The following DPH6 variants were observed in gnomAD, a reference collection of about 807,000 sequenced individuals.
DPH6 encodes diphthine--ammonia ligase.
Under a neutral mutation model 38.2 loss-of-function variants are expected in DPH6, and 33 were observed. The ratio of observed to expected loss-of-function variants is 0.86; its 90% CI spans 0.65 to 1.15. The LOEUF (loss-of-function observed/expected upper bound fraction) is 1.15, where lower values mean the gene tolerates loss of function less well. Among genes scored for constraint, DPH6 ranks in the 50% most tolerant of loss-of-function variants. DPH6 has a pLI of 0.00. For synonymous variants in DPH6, 108 were observed against 103.0 expected (o/e 1.05, Z -0.30); for missense variants, 325 against 320.0 (o/e 1.02, Z -0.12).
At chr15:35,315,652 T>C (rs957563622) in intron 3 of DPH6, among the ~76,000 whole-genome samples, 1 of 152,072 alleles carries the variant, frequency 6.6e-6, no homozygotes, top group Non-Finnish European at 1.5e-5. Context: ...AAACTAAAAA[T>C]AGAACTACCA....
intron 3 of DPH6, among the ~76,000 whole-genome samples, chr15:35,338,503 A>T (rs529905037): frequency 3.5e-4 from 54 of 152,354 alleles, no homozygotes; most frequent in African/African-American, 1.3e-3. Context: ...CACCAGTTAG[A>T]ATGGCAATCA....
intron 3 of DPH6, among the ~76,000 whole-genome samples, chr15:35,341,407 C>T (rs1477170079): frequency 6.6e-6 from 1 of 152,192 alleles, no homozygotes; most frequent in African/African-American, 2.4e-5. Context: ...GTTCTGTGCC[C>T]TTGCTGGAGT....
chr15:35,186,227 A>T, the DPH6 span, among the ~76,000 whole-genome samples: 1 of 152,154 alleles, frequency 6.6e-6, no homozygotes, highest in East Asian at 1.9e-4. Context: ...AGCCTGTAGC[A>T]ACTCCTTTAT....
chr15:35,188,104 G>A, the DPH6 span, among the ~76,000 whole-genome samples: 1 of 152,196 alleles, frequency 6.6e-6, no homozygotes, highest in Non-Finnish European at 1.5e-5. Flanking sequence ...TGATGGTCAG[G>A]CAGCTGTTAA....
At chr15:35,339,089 G>A (rs1000907063) in intron 3 of DPH6, among the ~76,000 whole-genome samples, 7 of 151,752 alleles carry the variant, frequency 4.6e-5, no homozygotes, top group African/African-American at 1.5e-4. Flanking sequence ...TGTAAATGAC[G>A]AGTTAATGGG....
At chr15:35,266,233 C>T (rs1032560039) in intron 3 of DPH6, among the ~76,000 whole-genome samples, 45 of 151,986 alleles carry the variant, frequency 3.0e-4, no homozygotes, top group African/African-American at 1.1e-3. Flanking sequence ...TACTGTGAAC[C>T]ATGACATTCC....
At chr15:35,543,696 A>G (rs2055299929) in intron 1 of DPH6, among the ~76,000 whole-genome samples, 2 of 151,832 alleles carry the variant, frequency 1.3e-5, no homozygotes. Context: ...ATCAATAACA[A>G]CTCTCATTCC....
intron 3 of DPH6, among the ~76,000 whole-genome samples, chr15:35,530,562 C>T (rs1209772928): frequency 6.6e-6 from 1 of 152,054 alleles, no homozygotes; most frequent in African/African-American, 2.4e-5. Context: ...AAAGGGTATA[C>T]ATGTGCATGT....
At chr15:35,365,824 G>C in intron 3 of DPH6, 1 of 985,212 alleles carries the variant, frequency 1.0e-6, no homozygotes, top group Non-Finnish European at 1.2e-6. Flanking sequence ...ATCTGCTCCA[G>C]TGACCATTTA....
intron 3 of DPH6, among the ~76,000 whole-genome samples, chr15:35,511,360 T>C (rs1714755610): frequency 6.6e-6 from 1 of 152,170 alleles, no homozygotes; most frequent in Admixed American, 6.5e-5. Context: ...TCTAGATCTC[T>C]GTCTGCAATC....
intron 8 of DPH6, 49 bp from the exon 9 acceptor site, chr15:35,372,252 C>T (rs772801530): frequency 1.5e-6 from 2 of 1,373,106 alleles, no homozygotes; most frequent in Non-Finnish European, 1.9e-6. Context: ...CATATTTATT[C>T]AGTGTCAGTG....
At chr15:35,414,227 T>C (rs1182478528) in intron 5 of DPH6, among the ~76,000 whole-genome samples, 1 of 151,810 alleles carries the variant, frequency 6.6e-6, no homozygotes, top group African/African-American at 2.4e-5. Flanking sequence ...GTGAGTGGTA[T>C]ACTCTCCCAG....
downstream of DPH6, among the ~76,000 whole-genome samples, chr15:35,328,825 T>C (rs1436525136): frequency 6.6e-6 from 1 of 152,016 alleles, no homozygotes; most frequent in African/African-American, 2.4e-5. Context: ...AAGAAAGAGG[T>C]TTAATTGGAC....
At chr15:35,221,603 T>G (rs916587699) in intron 3 of DPH6, among the ~76,000 whole-genome samples, 4 of 152,284 alleles carry the variant, frequency 2.6e-5, no homozygotes, top group Admixed American at 2.6e-4. Context: ...AGGTCCTAGA[T>G]GGGAAAGACA....
intron 3 of DPH6, among the ~76,000 whole-genome samples, chr15:35,292,693 T>C (rs2051987912): frequency 6.6e-6 from 1 of 152,156 alleles, no homozygotes; most frequent in African/African-American, 2.4e-5. Flanking sequence ...TATTTATTCA[T>C]TTGAACAACA....
At chr15:35,268,765 A>C (rs1445563112) in intron 3 of DPH6, among the ~76,000 whole-genome samples, 3 of 151,954 alleles carry the variant, frequency 2.0e-5, no homozygotes, top group African/African-American at 7.2e-5. Flanking sequence ...AAAAAGGTAT[A>C]AAAAGAACAA....
chr15:35,521,213 C>G, intron 3 of DPH6: 1 of 985,346 alleles, frequency 1.0e-6, no homozygotes, highest in Non-Finnish European at 1.2e-6. Context: ...ATGGGTTTTG[C>G]TTAGTTTCCT....
At chr15:35,213,931 T>G (rs938152140), downstream of DPH6, among the ~76,000 whole-genome samples, 1 of 152,050 alleles carries the variant, frequency 6.6e-6, no homozygotes, top group Non-Finnish European at 1.5e-5. Context: ...GCTAACACGG[T>G]GAAACCCCGT....
In DPH6 at chr15:35,523,872, T is replaced by A. The variant is rs994861887; in HGVS notation, c.312+14402A>T. 2.0e-5 allele frequency among the ~76,000 whole-genome samples: 3 copies of A among 152,052 alleles called. No homozygotes were observed. The East Asian group carries it at 5.8e-4, about 29-fold the overall frequency. ...GTCCCCCTCCACCCATCCAAATCAA[T>A]TCAATTTAGGGCCTCTTCTCACAGA... On this transcript the variant is annotated intron_variant, in intron 3 of 8. Coordinates refer to ENST00000256538, the MANE Select transcript of DPH6 (RefSeq NM_080650.4).
Sources: allele counts gnomAD v4.1 joint callset (sites outside exome capture counted in the v4.1 genomes callset), GRCh38; gene constraint gnomAD v4.1.1; transcripts MANE v1.5; gene names NCBI Gene and HGNC (gene_info 2026-07-23, HGNC 2026-07-21).